The following ARAP2 variants were observed in gnomAD, a reference collection of about 807,000 sequenced individuals.
ARAP2 encodes arf-GAP with Rho-GAP domain, ANK repeat and PH domain-containing protein 2.
ARAP2 carries 148 observed loss-of-function variants against 194.5 expected under a neutral mutation model. The ratio of observed to expected loss-of-function variants is 0.76; its 90% CI spans 0.67 to 0.87. The LOEUF (loss-of-function observed/expected upper bound fraction) is 0.87, where lower values mean the gene tolerates loss of function less well. Among genes scored for constraint, ARAP2 ranks in the 40% least tolerant of loss-of-function variants. ARAP2 has a pLI of 0.00. For missense variants in ARAP2, 2,128 were observed against 1,989.7 expected (o/e 1.07, Z -1.32); for synonymous variants, 695 against 683.5 (o/e 1.02, Z -0.26).
At chr4:36,159,526 T>C (rs775231749) in intron 13 of ARAP2, 21 bp from the exon 14 acceptor site, 5 of 1,488,052 alleles carry the variant, frequency 3.4e-6, no homozygotes, top group East Asian at 2.4e-5. Flanking sequence ...AAAGAAAATA[T>C]ACATCTTAAG....
chr4:36,194,747 G>A (rs546276256), intron 6 of ARAP2, among the ~76,000 whole-genome samples: 1 of 152,170 alleles, frequency 6.6e-6, no homozygotes, highest in African/African-American at 2.4e-5. Flanking sequence ...AAAAATTTTT[G>A]AGATTCTTTA....
At chr4:36,153,598 G>A (rs1332726594) in intron 15 of ARAP2, among the ~76,000 whole-genome samples, 1 of 152,160 alleles carries the variant, frequency 6.6e-6, no homozygotes, top group African/African-American at 2.4e-5. Flanking sequence ...TTCATGTTGA[G>A]ATCAGTGAAG....
chr4:36,137,914 C>T (rs1727231149), intron 19 of ARAP2, among the ~76,000 whole-genome samples: 1 of 151,678 alleles, frequency 6.6e-6, no homozygotes, highest in African/African-American at 2.4e-5. Context: ...ATTTCCTGAA[C>T]AATTTATTAC....
At chr4:36,082,078 C>T (rs944088893) in intron 30 of ARAP2, among the ~76,000 whole-genome samples, 173 bp downstream of exon 30, 3 of 152,006 alleles carry the variant, frequency 2.0e-5, no homozygotes, top group Non-Finnish European at 1.5e-5. Context: ...GGACTTGAAC[C>T]CTGATACAAA....
chr4:36,196,645 A>G (rs1272778750), intron 6 of ARAP2, among the ~76,000 whole-genome samples: 1 of 152,210 alleles, frequency 6.6e-6, no homozygotes, highest in Non-Finnish European at 1.5e-5. Flanking sequence ...ATGAGAAACC[A>G]CAGGGTGTAG....
intron 5 of ARAP2, among the ~76,000 whole-genome samples, chr4:36,045,713 A>C (rs1721718349): frequency 6.6e-6 from 1 of 152,202 alleles, no homozygotes; most frequent in Admixed American, 6.6e-5. Flanking sequence ...TCTCACCACA[A>C]GGAATGTATA....
intron 3 of ARAP2, among the ~76,000 whole-genome samples, chr4:36,049,971 G>A (rs923811495): frequency 1.1e-4 from 16 of 152,110 alleles, no homozygotes; most frequent in African/African-American, 2.6e-4. Context: ...TTATTTTTGC[G>A]GTAATTAGTT....
chr4:36,009,883 C>T (rs13147007), intron 9 of ARAP2, among the ~76,000 whole-genome samples: 9 of 134,896 alleles, frequency 6.7e-5, no homozygotes, highest in Admixed American at 2.4e-4. Flanking sequence ...TTTTTTTTGG[C>T]GGGGGGTAGG....
At chr4:36,208,932 C>T (rs1009603167) in intron 6 of ARAP2, among the ~76,000 whole-genome samples, 2 of 151,966 alleles carry the variant, frequency 1.3e-5, no homozygotes, top group Admixed American at 1.3e-4. Context: ...TAGGCAGGTT[C>T]AGAATAGAAA....
At chr4:36,165,233 TA>T (rs1735009480) in intron 10 of ARAP2, 120 bp from the exon 11 acceptor site, 1 of 901,316 alleles carries the variant, frequency 1.1e-6, no homozygotes, top group Non-Finnish European at 1.7e-6. Context: ...ATATGGCTGC[TA>T]GGCAGTTCTG....
intron 2 of ARAP2, among the ~76,000 whole-genome samples, chr4:36,218,635 T>C (rs1748510377): frequency 6.6e-6 from 1 of 151,934 alleles, no homozygotes; most frequent in South Asian, 2.1e-4. Flanking sequence ...GGCCAAACAA[T>C]AAAGCTAGAA....
At chr4:36,134,582 G>T (rs73809112) in intron 19 of ARAP2, among the ~76,000 whole-genome samples, 1 of 151,522 alleles carries the variant, frequency 6.6e-6, no homozygotes, top group Non-Finnish European at 1.5e-5. Context: ...GATCTAAAAC[G>T]CAAAGCTAAT....
At position 36,227,865 on chromosome 4, in the gene ARAP2, C is replaced by T. The variant is rs138215076; in HGVS notation, c.905+717G>A. 3.1e-3 allele frequency among the ~76,000 whole-genome samples: 474 copies of T among 152,204 alleles called. 3 individuals carry two copies. Among genetic ancestry groups the T allele is most frequent in the Non-Finnish European group, 5.5e-3 (377 of 68,012 alleles). On this transcript the variant is annotated intron_variant, in intron 2 of 32. Coordinates refer to ENST00000303965, the MANE Select transcript of ARAP2 (RefSeq NM_015230.4). Reference sequence around the variant, plus strand: ...AAATTCTGAAAGCTAAAGCTGATGACCTCTTTTGCTATAAATTACCTCCTC... The same window carrying T: ...AAATTCTGAAAGCTAAAGCTGATGATCTCTTTTGCTATAAATTACCTCCTC...
chr4:36,181,928 G>C (rs1221891388), intron 8 of ARAP2, among the ~76,000 whole-genome samples: 1 of 152,178 alleles, frequency 6.6e-6, no homozygotes, highest in African/African-American at 2.4e-5. Context: ...TCAGAAGAAG[G>C]GGATGGTTAG....
At chr4:36,027,746 G>C (rs75021373) in intron 5 of ARAP2, among the ~76,000 whole-genome samples, 6,604 of 152,156 alleles carry the variant, frequency 0.043, 268 homozygotes, top group African/African-American at 0.098. Context: ...CTTACCCAAA[G>C]ATAAATGGAT....
In ARAP2 at chr4:36,151,055, G is replaced by A. The variant is rs749724402; in HGVS notation, c.2753-11C>T. The A allele has an allele frequency of 6.4e-7, 1 of 1,574,288 alleles. No individual in the cohort carries two copies. The highest frequency in any genetic ancestry group is 2.3e-5 in the East Asian group (1 of 43,720). On this transcript the variant is annotated splice_polypyrimidine_tract_variant and intron_variant, in intron 15 of 32. Transcript: ENST00000303965. ...ATTTTTTATTTGTCTCTAAGAATTT[G>A]AAACAAAACAAATAACAAATTGAGC... is the stretch of plus-strand genomic sequence containing the variant.
intron 10 of ARAP2, chr4:36,006,090 A>C (rs571756806): frequency 1.3e-5 from 2 of 152,362 alleles, no homozygotes; most frequent in Admixed American, 1.3e-4. Context: ...TTAGCATTTA[A>C]AGGCAAAGCC....
intron 29 of ARAP2, among the ~76,000 whole-genome samples, chr4:36,082,611 G>C (rs759918348): frequency 2.0e-5 from 3 of 152,070 alleles, no homozygotes; most frequent in Non-Finnish European, 4.4e-5. Context: ...ACGGTTACTG[G>C]GGGAAATTAA....
intron 32 of ARAP2, among the ~76,000 whole-genome samples, chr4:36,069,940 C>T (rs1225422024): frequency 6.6e-6 from 1 of 152,108 alleles, no homozygotes; most frequent in Non-Finnish European, 1.5e-5. Context: ...TTTCCCCCCT[C>T]TCTCTCTTGC....
Sources: gnomAD v4.1 joint callset for allele counts (sites outside exome capture counted in the v4.1 genomes callset) on GRCh38, gnomAD v4.1.1 for gene constraint, MANE v1.5 for transcripts, NCBI Gene and HGNC (gene_info 2026-07-23, HGNC 2026-07-21) for gene names.